PCDHA4: variants seen among roughly 807,000 people sequenced by gnomAD.
The protein encoded by PCDHA4 is protocadherin alpha-4.
A neutral mutation model predicts 61.4 loss-of-function variants in PCDHA4; 49 were observed. The observed-to-expected ratio is 0.80, with a 90% confidence interval of 0.63 to 1.01. The LOEUF (loss-of-function observed/expected upper bound fraction) is 1.01, where lower values mean the gene tolerates loss of function less well. Ranked by LOEUF, PCDHA4 falls within the 50% of genes least tolerant of loss-of-function variation. PCDHA4 has a pLI of 0.00. For missense variants in PCDHA4, 1,254 were observed against 1,235.8 expected (o/e 1.01, Z -0.22); for synonymous variants, 590 against 550.3 (o/e 1.07, Z -1.01).
intron 3 of PCDHA4, among the ~76,000 whole-genome samples, chr5:140,992,716 G>A (rs1554253146): frequency 6.6e-6 from 1 of 152,160 alleles, no homozygotes; most frequent in African/African-American, 2.4e-5. Flanking sequence ...GCCAGTATTC[G>A]TAAATCCCAC....
intron 1 of PCDHA4, among the ~76,000 whole-genome samples, chr5:140,947,556 A>C (rs1281977555): frequency 1.3e-5 from 2 of 151,584 alleles, no homozygotes; most frequent in Admixed American, 6.6e-5. Flanking sequence ...TTCCGCTGGG[A>C]TTTATATTGG....
At chr5:140,838,343 C>T (rs1262099993) in intron 1 of PCDHA4, among the ~76,000 whole-genome samples, 5 of 148,174 alleles carry the variant, frequency 3.4e-5, no homozygotes, top group African/African-American at 1.0e-4. Context: ...CGGCTGGTCT[C>T]GAAATCTGGG....
intron 1 of PCDHA4, chr5:140,854,190 A>T: frequency 1.5e-6 from 1 of 648,854 alleles, no homozygotes; most frequent in Non-Finnish European, 1.9e-6. Flanking sequence ...TAGTTTAACT[A>T]CTCCCTACTT....
chr5:140,843,645 G>A, intron 1 of PCDHA4: 1 of 1,595,642 alleles, frequency 6.3e-7, no homozygotes. Context: ...TTCAGCCCCT[G>A]CCTTCCTCCT....
intron 1 of PCDHA4, chr5:140,862,692 G>A (rs1354476181): frequency 3.2e-5 from 18 of 555,384 alleles, no homozygotes; most frequent in Admixed American, 5.8e-5. Flanking sequence ...TGTCCTACTC[G>A]TTGATGGAAC....
chr5:140,831,107 C>G (rs1479291703), intron 1 of PCDHA4: 1 of 152,120 alleles, frequency 6.6e-6, no homozygotes, highest in Non-Finnish European at 1.5e-5. Context: ...AGTTATCAGC[C>G]TGAATACTTC....
intron 1 of PCDHA4, chr5:140,828,250 G>A: frequency 3.1e-6 from 5 of 1,613,982 alleles, no homozygotes; most frequent in African/African-American, 1.3e-5. Flanking sequence ...AGGACCTGGG[G>A]CTGGAGCTGG....
chr5:140,943,276 AAG>A (rs1491082610), intron 1 of PCDHA4, among the ~76,000 whole-genome samples: 3,151 of 135,552 alleles, frequency 0.023, 213 homozygotes, highest in African/African-American at 0.087. Flanking sequence ...AAAAAAAAAA[AAG>A]AAAGAAAGAA....
intron 1 of PCDHA4, chr5:140,877,509 G>A (rs781824762): frequency 5.6e-6 from 9 of 1,613,700 alleles, no homozygotes; most frequent in Non-Finnish European, 7.6e-6. Context: ...CAAAGACGTC[G>A]TCGCGGGCCT....
chr5:140,823,140 G>A (rs2150122762), intron 1 of PCDHA4: 8 of 1,613,882 alleles, frequency 5.0e-6, no homozygotes, highest in Non-Finnish European at 6.8e-6. Context: ...CGGCGTTCGC[G>A]CAGCCCCAGT....
chr5:140,989,722 A>C (rs1472933877), intron 3 of PCDHA4, among the ~76,000 whole-genome samples: 1 of 152,224 alleles, frequency 6.6e-6, no homozygotes, highest in African/African-American at 2.4e-5. Context: ...TCAGCTTTGC[A>C]GTTGAAAAGG....
At chr5:140,827,284 CA>C (rs1769236667) in intron 1 of PCDHA4, among the ~76,000 whole-genome samples, 1 of 152,058 alleles carries the variant, frequency 6.6e-6, no homozygotes, top group African/African-American at 2.4e-5. Flanking sequence ...GCTGAAGAAT[CA>C]AAAACAGCAA....
At chr5:140,977,813 C>T (rs1347788650) in intron 1 of PCDHA4, among the ~76,000 whole-genome samples, 1 of 152,192 alleles carries the variant, frequency 6.6e-6, no homozygotes, top group Non-Finnish European at 1.5e-5. Flanking sequence ...GAATTATTGA[C>T]AGTTTTGAAT....
chr5:140,828,322 A>T, intron 1 of PCDHA4: 1 of 1,614,224 alleles, frequency 6.2e-7, no homozygotes, highest in South Asian at 1.1e-5. Flanking sequence ...TTCTGGAGGT[A>T]AATCTGCAGA....
chr5:140,976,553 A>C (rs1554237789), intron 1 of PCDHA4, among the ~76,000 whole-genome samples: 1 of 152,074 alleles, frequency 6.6e-6, no homozygotes, highest in African/African-American at 2.4e-5. Flanking sequence ...CCTATCTCAT[A>C]AATAAATAAA....
chr5:140,835,137 C>T, intron 1 of PCDHA4: 3 of 1,385,246 alleles, frequency 2.2e-6, no homozygotes, highest in South Asian at 2.7e-5. Context: ...GGTGAAATTA[C>T]CAGAAAACGT....
chr5:140,898,887 C>T (rs1554188288), intron 1 of PCDHA4, among the ~76,000 whole-genome samples: 1 of 152,028 alleles, frequency 6.6e-6, no homozygotes, highest in Non-Finnish European at 1.5e-5. Context: ...TTGTAGTTCT[C>T]CTTGAAGAGG....
At chr5:140,841,059 A>C in intron 1 of PCDHA4, 1 of 449,736 alleles carries the variant, frequency 2.2e-6, no homozygotes, top group Non-Finnish European at 3.9e-6. Context: ...CTATTAAATT[A>C]TGATAAAGAA....
At position 140,843,578 on chromosome 5, in the gene PCDHA4, C is replaced by T. The variant is rs1372766659; in HGVS notation, c.2385+34006C>T. On this transcript the variant is annotated intron_variant, in intron 1 of 3. Coordinates refer to ENST00000530339, the MANE Select transcript of PCDHA4 (RefSeq NM_018907.4). ...GGTGGGGAGCTGGTCATACTCGCAA[C>T]AACAGCCGCAGAGGGTGTGCTCTGG... 9 of 1,595,980 alleles carry T rather than the reference C, an allele frequency of 5.6e-6. 1 individual carries two copies. The highest frequency in any genetic ancestry group is 7.7e-6 in the Non-Finnish European group (9 of 1,165,492).
Sources: allele counts gnomAD v4.1 joint callset (sites outside exome capture counted in the v4.1 genomes callset), GRCh38; gene constraint gnomAD v4.1.1; transcripts MANE v1.5; gene names NCBI Gene and HGNC (gene_info 2026-07-23, HGNC 2026-07-21).